Variants in LSM10 observed in about 807,000 individuals in gnomAD.
The protein encoded by LSM10 is U7 snRNA-associated Sm-like protein LSm10.
LSM10 carries 4 observed loss-of-function variants against 5.2 expected under a neutral mutation model. That is an observed-to-expected ratio of 0.77 (90% confidence interval 0.38 to 1.77). The LOEUF (loss-of-function observed/expected upper bound fraction) is 1.77, where lower values mean the gene tolerates loss of function less well. LSM10 is among the 40% of genes most tolerant of loss of function. The pLI is 0.04. For synonymous variants in LSM10, 63 were observed against 67.4 expected (o/e 0.94, Z 0.32); for missense variants, 150 against 171.6 (o/e 0.87, Z 0.70).
rs968660788 is a variant in LSM10 at position 36,397,869 on chromosome 1, G to A, written c.-127C>T. 6.6e-6 allele frequency: 1 copy of A among 152,236 alleles called. No individual in the cohort carries two copies. The highest frequency in any genetic ancestry group is 2.4e-5 in the African/African-American group (1 of 41,452). The allele number at this position is 152,236 out of a possible 1,614,324, so 9.4% of individuals were successfully genotyped here. A position where few individuals can be genotyped will look rare whatever the true frequency, so the allele number is the denominator to read the frequency against. On this transcript the variant is annotated 5_prime_UTR_variant, in exon 1 of 2. Transcript: ENST00000315732. ...GGCTGCAGCAGGACGGAGAAACCAT[G>A]CCGGCGACCGGGCCGCTCTGTCCTC...
rs1482827106 is a variant in LSM10, at chr1:36,393,680, G to A, written c.*78C>T. The A allele has an allele frequency of 5.4e-5, 85 of 1,561,146 alleles. No homozygotes were observed. Among genetic ancestry groups the A allele is most frequent in the Non-Finnish European group, 7.3e-5 (84 of 1,148,466 alleles). On this transcript the variant is annotated 3_prime_UTR_variant, in exon 2 of 2. Coordinates refer to ENST00000315732, the MANE Select transcript of LSM10 (RefSeq NM_032881.3). ...GGCCCTGCTTTCTTCTCGGGTACCA[G>A]ACAGGGTGTGAGGGCAGGGAACTAG...
Position 36,393,768 on chromosome 1 carries a change from T to G in LSM10, c.362A>C (p.Asn121Thr). The G allele has an allele frequency of 6.2e-7, 1 of 1,613,794 alleles. No individual in the cohort carries two copies. The highest frequency in any genetic ancestry group is 8.5e-7 in the Non-Finnish European group (1 of 1,179,862). ...GQGRWEFPPK[N>T]CK ...GGCTTGCTGAGGGCCTCACTTACAGTTTTTTGGGGGAAATTCCCACCGGCC... is the reference window on the plus strand; with the variant it reads ...GGCTTGCTGAGGGCCTCACTTACAGGTTTTTGGGGGAAATTCCCACCGGCC... The change falls in exon 2 of 2, where the codon AAC becomes ACC. Residue 121 changes from asparagine to threonine, a missense_variant. By Grantham distance (65) the Asn-to-Thr change is moderately conservative (BLOSUM62 0). Transcript: ENST00000315732.
At chr1:36,394,248 C>A in intron 1 of LSM10, 95 bp from the exon 2 acceptor site, 4 of 1,189,256 alleles carry the variant, frequency 3.4e-6, no homozygotes, top group Non-Finnish European at 4.6e-6. Flanking sequence ...ATTCCCAGCA[C>A]AGACCACCTC....
At position 36,393,733 on chromosome 1, in the gene LSM10, T is replaced by C; in HGVS notation, c.*25A>G. ...CCGGAGATCACTGGAGGACTCCGAG[T>C]TGGGGCCAGGGCTTGCTGAGGGCCT... On this transcript the variant is annotated 3_prime_UTR_variant, in exon 2 of 2. Coordinates refer to ENST00000315732, the MANE Select transcript of LSM10 (RefSeq NM_032881.3). The C allele has an allele frequency of 3.1e-6, 5 of 1,609,210 alleles. No individual in the cohort carries two copies. The highest frequency in any genetic ancestry group is 1.1e-5 in the South Asian group (1 of 90,828).
chr1:36,393,811 A>C lies in LSM10; in HGVS notation c.319T>G (p.Phe107Val). ...QLQIIHRVRN[F>V]GGKGQGRWEF... The stretch of plus-strand genomic sequence containing the variant: ...CACCGGCCTTGGCCCTTGCCACCAA[A>C]GTTTCGCACCCGATGGATAATCTGC... Residue 107 changes from phenylalanine (F) to valine (V), a missense_variant, in exon 2 of 2, where the codon TTT becomes GTT. Transcript: ENST00000315732. 1 of 1,614,198 alleles carries C rather than the reference A, an allele frequency of 6.2e-7. No individual in the cohort carries two copies. Among genetic ancestry groups the C allele is most frequent in the Non-Finnish European group, 8.5e-7 (1 of 1,180,024 alleles).
intron 1 of LSM10, among the ~76,000 whole-genome samples, chr1:36,396,436 T>C (rs1245286767): frequency 2.6e-5 from 4 of 152,208 alleles, no homozygotes; most frequent in Admixed American, 6.5e-5. Context: ...AGATACACGT[T>C]AAGGTTTGAG....
At chr1:36,396,958 ACT>A (rs1647161449) in intron 1 of LSM10, among the ~76,000 whole-genome samples, 1 of 144,946 alleles carries the variant, frequency 6.9e-6, no homozygotes. Context: ...ACACAGCGAG[ACT>A]CTCAGAAAAA....
chr1:36,393,941 C>G lies in LSM10; in HGVS notation c.189G>C (p.Trp63Cys). Residue 63 changes from tryptophan to cysteine, a missense_variant, in exon 2 of 2, where the codon TGG (tryptophan) becomes TGC (cysteine). By Grantham distance (215) the Trp-to-Cys change is radical (BLOSUM62 -2). Coordinates refer to ENST00000315732, the MANE Select transcript of LSM10 (RefSeq NM_032881.3). ...RLAKVTYTDR[W>C]GHQVKLDDLF... ...GGTCATCCAGCTTGACCTGATGCCC[C>G]CAACGGTCCGTGTAGGTGACTTTGG... 1 of 1,614,240 alleles carries G rather than the reference C, an allele frequency of 6.2e-7. No homozygotes were observed. Among genetic ancestry groups the G allele is most frequent in the South Asian group, 1.1e-5 (1 of 91,086 alleles).
chr1:36,393,532 G>A lies in LSM10; in HGVS notation c.*226C>T, dbSNP rs1201941859. 9 of 587,124 alleles carry A rather than the reference G, an allele frequency of 1.5e-5. No individual in the cohort carries two copies. The highest frequency in any genetic ancestry group is 2.7e-5 in the Non-Finnish European group (9 of 330,672). The allele number at this position is 587,124 out of a possible 1,614,324, so 36.4% of individuals were successfully genotyped here. On this transcript the variant is annotated 3_prime_UTR_variant, in exon 2 of 2. Coordinates refer to ENST00000315732, the MANE Select transcript of LSM10 (RefSeq NM_032881.3). Reference sequence around the variant, plus strand: ...GTCAGAGATTCAGATCATCAAAAAGGGGGATTGTCACCTACCCCAAGGCCA... The same window carrying A: ...GTCAGAGATTCAGATCATCAAAAAGAGGGATTGTCACCTACCCCAAGGCCA...
intron 1 of LSM10, among the ~76,000 whole-genome samples, chr1:36,396,764 G>A (rs952160615): frequency 2.0e-5 from 3 of 152,218 alleles, no homozygotes; most frequent in African/African-American, 7.2e-5. Context: ...CTGAGGTCAG[G>A]AGTTCAAGAC....
intron 1 of LSM10, among the ~76,000 whole-genome samples, chr1:36,395,131 A>G (rs6672948): frequency 0.28 from 42,026 of 152,038 alleles, 6,678 homozygotes; most frequent in Middle Eastern, 0.41. Flanking sequence ...AATGGTGAGC[A>G]TTTCTATTGG....
chr1:36,395,343 T>C (rs1647150094), intron 1 of LSM10, among the ~76,000 whole-genome samples: 1 of 152,172 alleles, frequency 6.6e-6, no homozygotes, highest in African/African-American at 2.4e-5. Context: ...GACAAATTAT[T>C]AGGACTAACA....
In LSM10 at chr1:36,393,629, G is replaced by A. The variant is rs922461431; in HGVS notation, c.*129C>T. ...GTGAAAGGCAGCTTTGACAGGTGGT[G>A]TCTGTTGGACACCAGCTTCTGGCCT... On this transcript the variant is annotated 3_prime_UTR_variant, in exon 2 of 2. Coordinates refer to ENST00000315732, the MANE Select transcript of LSM10 (RefSeq NM_032881.3). 2.3e-6 allele frequency: 3 copies of A among 1,292,902 alleles called. No individual in the cohort carries two copies. In the Admixed American group the frequency reaches 6.1e-5, roughly 26 times the overall value. 80.1% of individuals were successfully genotyped at this position (1,292,902 alleles called of 1,614,324 possible). A position where few individuals can be genotyped will look rare whatever the true frequency, so the allele number is the denominator to read the frequency against.
At chr1:36,394,399 A>G (rs942510785) in intron 1 of LSM10, among the ~76,000 whole-genome samples, 1 of 152,160 alleles carries the variant, frequency 6.6e-6, no homozygotes, top group Non-Finnish European at 1.5e-5. Context: ...GCGGTGGGAT[A>G]CACCTGTGGT....
At chr1:36,394,192 T>C in intron 1 of LSM10, 39 bp from the exon 2 acceptor site, 1 of 1,551,390 alleles carries the variant, frequency 6.4e-7, no homozygotes, top group South Asian at 1.2e-5. Flanking sequence ...TATAGCAGGG[T>C]AGGGGGTACA....
At position 36,394,026 on chromosome 1, in the gene LSM10, T is replaced by A. The variant is rs1255392137; in HGVS notation, c.104A>T (p.Asp35Val). The A allele has an allele frequency of 1.2e-6, 2 of 1,614,084 alleles. No homozygotes were observed. Among genetic ancestry groups the A allele is most frequent in the African/African-American group, 2.7e-5 (2 of 74,928 alleles). ...TATGCGTCCGTGGGCCACGCTCTCA[T>A]CCCGCAGGTCCACAGTGGTTACCCG... is the stretch of plus-strand genomic sequence containing the variant. ...QGRVTTVDLR[D>V]ESVAHGRIDN... The change falls in exon 2 of 2, where the codon GAT (aspartate) becomes GTT (valine). Residue 35 changes from aspartate to valine, a missense_variant. Coordinates refer to ENST00000315732, the MANE Select transcript of LSM10 (RefSeq NM_032881.3).
intron 1 of LSM10, among the ~76,000 whole-genome samples, chr1:36,396,694 G>A (rs6688171): frequency 0.31 from 47,656 of 152,146 alleles, 7,632 homozygotes; most frequent in African/African-American, 0.35. Context: ...TAATGAGGCC[G>A]GGTGCAAGGG....
At chr1:36,395,504 C>T (rs567932794) in intron 1 of LSM10, among the ~76,000 whole-genome samples, 2 of 152,214 alleles carry the variant, frequency 1.3e-5, no homozygotes, top group East Asian at 1.9e-4. Context: ...ACAGGCCGGG[C>T]GTGGTGGCTC....
intron 1 of LSM10, among the ~76,000 whole-genome samples, chr1:36,396,307 T>A (rs1402877778): frequency 6.7e-6 from 1 of 149,654 alleles, no homozygotes; most frequent in Non-Finnish European, 1.5e-5. Flanking sequence ...ATGCGCAATC[T>A]CAGGTCTCTC....
Sources: allele counts gnomAD v4.1 joint callset (sites outside exome capture counted in the v4.1 genomes callset), GRCh38; gene constraint gnomAD v4.1.1; transcripts MANE v1.5; gene names NCBI Gene and HGNC (gene_info 2026-07-23, HGNC 2026-07-21).